CNTN1: variants seen among roughly 807,000 people sequenced by gnomAD.
CNTN1 encodes the protein contactin-1.
CNTN1 carries 38 observed loss-of-function variants against 126.4 expected under a neutral mutation model. The observed-to-expected ratio is 0.30, with a 90% CI of 0.23 to 0.39. The LOEUF is 0.39. Among genes scored for constraint, CNTN1 ranks in the 10% least tolerant of loss-of-function variants. CNTN1 has a pLI of 1.00. For missense variants in CNTN1, 1,009 were observed against 1,248.4 expected, an observed-to-expected ratio of 0.81 and a Z score of 2.89; for synonymous variants, 413 against 422.6, an observed-to-expected ratio of 0.98 and a Z score of 0.28.
chr12:41,010,524 A>G (rs1341575742), intron 17 of CNTN1, among the ~76,000 whole-genome samples: 2 of 152,074 alleles, frequency 1.3e-5, no homozygotes, highest in Non-Finnish European at 2.9e-5. Context: ...CTATTATAAA[A>G]CACCAAAGTG....
intron 1 of CNTN1, among the ~76,000 whole-genome samples, chr12:40,716,160 T>C (rs1942040612): frequency 6.6e-6 from 1 of 152,042 alleles, no homozygotes; most frequent in Non-Finnish European, 1.5e-5. Context: ...CAAGAGATTG[T>C]TAAGTAATGA....
intron 1 of CNTN1, among the ~76,000 whole-genome samples, chr12:40,737,533 C>T (rs978830199): frequency 6.6e-6 from 1 of 151,698 alleles, no homozygotes; most frequent in African/African-American, 2.4e-5. Context: ...GGGAGAAAGA[C>T]GTAGGCTGGG....
At chr12:40,694,008 T>G (rs973523049) in intron 1 of CNTN1, among the ~76,000 whole-genome samples, 4 of 152,236 alleles carry the variant, frequency 2.6e-5, no homozygotes, top group African/African-American at 9.6e-5. Context: ...ATTTTTCGGT[T>G]TCTAAGTGTA....
At chr12:41,045,618 G>C (rs1483372025) in intron 23 of CNTN1, among the ~76,000 whole-genome samples, 1 of 152,032 alleles carries the variant, frequency 6.6e-6, no homozygotes, top group East Asian at 1.9e-4. Flanking sequence ...CTACATTAGG[G>C]ACCAGCTTTA....
At chr12:40,974,754 T>C (rs1947624817) in intron 15 of CNTN1, among the ~76,000 whole-genome samples, 1 of 152,098 alleles carries the variant, frequency 6.6e-6, no homozygotes. Context: ...TCCTCACCTG[T>C]AAAATAGGAA....
At chr12:41,056,130 G>A (rs750591184) in intron 23 of CNTN1, among the ~76,000 whole-genome samples, 4 of 151,988 alleles carry the variant, frequency 2.6e-5, no homozygotes, top group Admixed American at 6.6e-5. Flanking sequence ...CAGACAATTG[G>A]CACTCATTTT....
chr12:41,042,732 C>T (rs1949444769), intron 23 of CNTN1, among the ~76,000 whole-genome samples: 1 of 152,136 alleles, frequency 6.6e-6, no homozygotes, highest in East Asian at 1.9e-4. Flanking sequence ...AGGCATCACA[C>T]TACCTGACTT....
chr12:40,992,515 C>T (rs1485661273), intron 16 of CNTN1, among the ~76,000 whole-genome samples: 2 of 151,832 alleles, frequency 1.3e-5, no homozygotes, highest in African/African-American at 4.8e-5. Flanking sequence ...GATCACATTC[C>T]ACCCATAATT....
At chr12:40,863,115 C>T (rs949468255) in intron 1 of CNTN1, among the ~76,000 whole-genome samples, 2 of 152,008 alleles carry the variant, frequency 1.3e-5, no homozygotes, top group African/African-American at 4.8e-5. Flanking sequence ...GGTTCAGGGA[C>T]CTTGATATTT....
chr12:40,830,092 T>A (rs1435858672), intron 1 of CNTN1, among the ~76,000 whole-genome samples: 1 of 152,110 alleles, frequency 6.6e-6, no homozygotes, highest in Non-Finnish European at 1.5e-5. Flanking sequence ...GCACTGCCCT[T>A]GTACTTATCT....
intron 1 of CNTN1, chr12:40,729,008 A>C (rs1371950902): frequency 1.3e-5 from 2 of 152,854 alleles, no homozygotes; most frequent in East Asian, 3.8e-4. Context: ...GTAGAAGGTG[A>C]TATTAACACT....
chr12:40,888,463 T>TC (rs1222367120), intron 1 of CNTN1, among the ~76,000 whole-genome samples: 2 of 152,162 alleles, frequency 1.3e-5, no homozygotes, highest in African/African-American at 2.4e-5. Flanking sequence ...TTTTGAGTGT[T>TC]CAAAAGTAGT....
intron 1 of CNTN1, among the ~76,000 whole-genome samples, chr12:40,829,341 G>C (rs1457490256): frequency 6.6e-6 from 1 of 151,730 alleles, no homozygotes; most frequent in Non-Finnish European, 1.5e-5. Context: ...ATAATTCATA[G>C]TTTATAAAAC....
chr12:40,943,973 C>G lies in CNTN1; in HGVS notation c.1508-22C>G, dbSNP rs1316242527. On this transcript the variant is annotated intron_variant, in intron 13 of 23. Coordinates refer to ENST00000551295, the MANE Select transcript of CNTN1 (RefSeq NM_001843.4). ...GTGTCTTATATCTTCTTGAATTGTG[C>G]TTTACATTTAAAAATATATAGATCC... is the stretch of plus-strand genomic sequence containing the variant. The G allele has an allele frequency of 2.5e-6, 4 of 1,605,246 alleles. No individual in the cohort carries two copies. The African/African-American group carries it at 5.4e-5, about 22-fold the overall frequency.
chr12:40,944,303 T>C (rs921036597), intron 14 of CNTN1, 133 bp downstream of exon 14: 12 of 774,442 alleles, frequency 1.5e-5, no homozygotes, highest in African/African-American at 5.2e-5. Context: ...AAAAAAGCTT[T>C]CTGTGGTTCT....
intron 1 of CNTN1, among the ~76,000 whole-genome samples, chr12:40,701,359 T>G (rs1335167983): frequency 2.0e-5 from 3 of 152,188 alleles, no homozygotes; most frequent in East Asian, 3.8e-4. Context: ...CCAGAAGTTT[T>G]TATGCATTTC....
intron 1 of CNTN1, among the ~76,000 whole-genome samples, chr12:40,760,787 TC>T (rs1365433342): frequency 6.6e-6 from 1 of 151,754 alleles, no homozygotes; most frequent in Non-Finnish European, 1.5e-5. Context: ...GGTGACAACT[TC>T]AAAAAATAAA....
chr12:40,870,240 C>T (rs545216687), intron 1 of CNTN1, among the ~76,000 whole-genome samples: 5 of 151,698 alleles, frequency 3.3e-5, no homozygotes, highest in African/African-American at 1.2e-4. Context: ...CCAATACATA[C>T]AGGTTCCATT....
At chr12:40,997,404 A>T (rs1456510732) in intron 17 of CNTN1, among the ~76,000 whole-genome samples, 1 of 152,218 alleles carries the variant, frequency 6.6e-6, no homozygotes, top group Non-Finnish European at 1.5e-5. Flanking sequence ...CCTTGATTTC[A>T]TGCCTAATGA....
Sources: gnomAD v4.1 joint callset for allele counts (sites outside exome capture counted in the v4.1 genomes callset) on GRCh38, gnomAD v4.1.1 for gene constraint, MANE v1.5 for transcripts, NCBI Gene and HGNC (gene_info 2026-07-23, HGNC 2026-07-21) for gene names.